INSL6: variants seen among roughly 807,000 people sequenced by gnomAD.
The protein encoded by INSL6 is insulin like 6, also known as insulin-like peptide INSL6.
Under a neutral mutation model 9.4 loss-of-function variants are expected in INSL6, and 16 were observed. The ratio of observed to expected loss-of-function variants is 1.70; its 90% CI spans 1.15 to 2.59. INSL6 has a LOEUF of 2.59. Ranked by LOEUF, INSL6 falls within the 30% of genes most tolerant of loss-of-function variation. The probability of loss-of-function intolerance (pLI) is 0.00; values close to 1 mark genes in which losing one functional copy is unlikely to be tolerated. For missense variants in INSL6, 391 were observed against 257.3 expected (o/e 1.52, Z -3.56); for synonymous variants, 154 against 96.9 (o/e 1.59, Z -3.46).
chr9:5,050,747 A>T, the INSL6 span: 2 of 1,613,638 alleles, frequency 1.2e-6, no homozygotes, highest in Non-Finnish European at 1.7e-6. Flanking sequence ...ACACAGGAAG[A>T]ATGTCTTGGG....
the INSL6 span, among the ~76,000 whole-genome samples, chr9:5,039,554 A>C: frequency 6.6e-6 from 1 of 152,276 alleles, no homozygotes; most frequent in South Asian, 2.1e-4. Flanking sequence ...ATGATTGTGT[A>C]TTCACAGATT....
chr9:5,097,763 A>C, the INSL6 span: 2 of 152,190 alleles, frequency 1.3e-5, no homozygotes, highest in Admixed American at 1.3e-4. Context: ...ATTATTTTAC[A>C]TGATACATAC....
the INSL6 span, chr9:5,099,181 T>G: frequency 2.0e-5 from 3 of 152,232 alleles, no homozygotes; most frequent in Non-Finnish European, 4.4e-5. Flanking sequence ...AATCCCCAGA[T>G]GCTTAAATCA....
chr9:5,141,078 T>C (rs1417352809), intron 2 of INSL6, among the ~76,000 whole-genome samples: 3 of 152,216 alleles, frequency 2.0e-5, no homozygotes, highest in Non-Finnish European at 4.4e-5. Context: ...CCATGGTGTA[T>C]ATGTACCACA....
the INSL6 span, chr9:5,085,553 A>G: frequency 9.4e-4 from 654 of 697,024 alleles, 1 homozygote; most frequent in African/African-American, 0.011. Context: ...GTTAAAATAG[A>G]TATAACAGCT....
chr9:5,085,987 G>C, the INSL6 span: 1 of 960,410 alleles, frequency 1.0e-6, no homozygotes, highest in East Asian at 2.4e-5. Context: ...TTGCTGTACG[G>C]GGTTGTGTGA....
the INSL6 span, among the ~76,000 whole-genome samples, chr9:5,076,133 G>C: frequency 6.6e-6 from 1 of 152,154 alleles, no homozygotes; most frequent in Non-Finnish European, 1.5e-5. Context: ...GATAAGCAGA[G>C]AAAGTGGTTT....
the INSL6 span, among the ~76,000 whole-genome samples, chr9:5,050,352 G>GT: frequency 6.6e-6 from 1 of 152,134 alleles, no homozygotes; most frequent in Non-Finnish European, 1.5e-5. Flanking sequence ...CTAGGGTGCA[G>GT]TGGTGTGATC....
chr9:5,121,643 G>A (rs1369129279), downstream of INSL6, among the ~76,000 whole-genome samples: 2 of 152,156 alleles, frequency 1.3e-5, no homozygotes, highest in African/African-American at 4.8e-5. Context: ...AAGAGGCTTT[G>A]AAGCAAGAGA....
the INSL6 span, among the ~76,000 whole-genome samples, chr9:5,053,748 A>G: frequency 3.3e-5 from 5 of 152,108 alleles, no homozygotes; most frequent in South Asian, 6.2e-4. Context: ...CGGGACGGAC[A>G]TTAATTTAGC....
At chr9:5,171,030 A>G (rs1249541285) in intron 1 of INSL6, among the ~76,000 whole-genome samples, 1 of 152,060 alleles carries the variant, frequency 6.6e-6, no homozygotes, top group Non-Finnish European at 1.5e-5. Context: ...TGACAGATAC[A>G]ACAACAAAAA....
the INSL6 span, among the ~76,000 whole-genome samples, chr9:5,051,528 A>T: frequency 6.6e-6 from 1 of 152,298 alleles, no homozygotes; most frequent in African/African-American, 2.4e-5. Flanking sequence ...ATTTTTACAG[A>T]TGCTCTAGGG....
the INSL6 span, chr9:5,091,704 A>G: frequency 6.6e-6 from 1 of 152,190 alleles, no homozygotes; most frequent in Non-Finnish European, 1.5e-5. Context: ...AGACTTTTCT[A>G]GTCAAACTGG....
the INSL6 span, chr9:5,114,190 G>C: frequency 2.2e-6 from 1 of 463,928 alleles, no homozygotes; most frequent in Non-Finnish European, 4.3e-6. Context: ...CAAGGGGTGA[G>C]CACCTACCTG....
chr9:5,042,861 G>A, the INSL6 span, among the ~76,000 whole-genome samples: 1 of 152,220 alleles, frequency 6.6e-6, no homozygotes, highest in Non-Finnish European at 1.5e-5. Flanking sequence ...AAGCTCGGTC[G>A]CCACAGGCAC....
At chr9:5,161,564 A>C (rs902340159), downstream of INSL6, among the ~76,000 whole-genome samples, 10 of 152,334 alleles carry the variant, frequency 6.6e-5, no homozygotes, top group South Asian at 2.1e-4. Context: ...GTTATTCAAC[A>C]TAGTACTGGA....
intron 1 of INSL6, among the ~76,000 whole-genome samples, chr9:5,171,512 T>C (rs1461596995): frequency 6.6e-6 from 1 of 152,108 alleles, no homozygotes; most frequent in Non-Finnish European, 1.5e-5. Context: ...AAATAAAGGG[T>C]ATTCAAATAG....
At chr9:5,175,907 T>A (rs1825293672) in intron 1 of INSL6, among the ~76,000 whole-genome samples, 1 of 152,176 alleles carries the variant, frequency 6.6e-6, no homozygotes, top group South Asian at 2.1e-4. Flanking sequence ...CATTACCATG[T>A]AATAGTAATA....
intron 1 of INSL6, 127 bp from the exon 2 acceptor site, chr9:5,164,392 A>G (rs916251672): frequency 3.1e-6 from 2 of 645,292 alleles, no homozygotes; most frequent in Admixed American, 3.1e-5. Context: ...TAAAGAATGG[A>G]AAGTATGGTT....
Sources: gnomAD v4.1 joint callset for allele counts (sites outside exome capture counted in the v4.1 genomes callset) on GRCh38, gnomAD v4.1.1 for gene constraint, MANE v1.5 for transcripts, NCBI Gene and HGNC (gene_info 2026-07-23, HGNC 2026-07-21) for gene names.